Variants in LEPROTL1 observed in about 807,000 individuals in gnomAD.
LEPROTL1 encodes leptin receptor overlapping transcript like 1.
A neutral mutation model predicts 15.4 loss-of-function variants in LEPROTL1; 6 were observed. That is an observed-to-expected ratio of 0.39 (90% confidence interval 0.21 to 0.77). The LOEUF is 0.77. Ranked by LOEUF, LEPROTL1 falls within the 30% of genes least tolerant of loss-of-function variation. The probability of loss-of-function intolerance (pLI) is 0.41; values close to 1 mark genes in which losing one functional copy is unlikely to be tolerated. For missense variants in LEPROTL1, 128 were observed against 158.1 expected (o/e 0.81, Z 1.02); for synonymous variants, 56 against 52.6 (o/e 1.06, Z -0.28).
chr8:30,124,452 T>A (rs924198967), intron 3 of LEPROTL1, among the ~76,000 whole-genome samples: 4 of 152,226 alleles, frequency 2.6e-5, no homozygotes, highest in Admixed American at 2.6e-4. Context: ...CTAACTCAGA[T>A]TATTTTAAAG....
intron 1 of LEPROTL1, among the ~76,000 whole-genome samples, chr8:30,096,878 A>C (rs1180713987): frequency 6.6e-6 from 1 of 152,156 alleles, no homozygotes; most frequent in Non-Finnish European, 1.5e-5. Context: ...TAATATCTTT[A>C]TATTAGGAAG....
chr8:30,107,972 T>C lies in LEPROTL1; in HGVS notation c.*2110T>C, dbSNP rs1203672755. The C allele has an allele frequency of 9.2e-6, 9 of 982,998 alleles. No homozygotes were observed. Among genetic ancestry groups the C allele is most frequent in the East Asian group, 2.3e-4 (2 of 8,798 alleles). The allele number at this position is 982,998 out of a possible 1,614,324, so 60.9% of individuals were successfully genotyped here. ...ATTTCTAGGCTAGTTACTTGAGATA[T>C]GAATTTTCCATAGAATATGCACTGA... On this transcript the variant is annotated 3_prime_UTR_variant, in exon 4 of 4. Transcript: ENST00000321250.
intron 1 of LEPROTL1, chr8:30,096,317 T>TTTG (rs1207782673): frequency 1.0e-6 from 1 of 984,152 alleles, no homozygotes; most frequent in Non-Finnish European, 1.2e-6. Flanking sequence ...GTTAGGTAGT[T>TTTG]TTGTTGTCAG....
Position 30,107,373 on chromosome 8 carries a change from A to G in LEPROTL1, c.*1511A>G. On this transcript the variant is annotated 3_prime_UTR_variant, in exon 4 of 4. Coordinates refer to ENST00000321250, the MANE Select transcript of LEPROTL1 (RefSeq NM_015344.3). ...GGTCTGACAGTATTTTGTTAAGGAT[A>G]TTTGTTTGTATGTTTATTCAGTATA... The G allele has an allele frequency of 1.0e-6, 1 of 985,612 alleles. No homozygotes were observed. The highest frequency in any genetic ancestry group is 1.2e-6 in the Non-Finnish European group (1 of 829,726). 61.1% of individuals were successfully genotyped at this position (985,612 alleles called of 1,614,324 possible).
intron 1 of LEPROTL1, among the ~76,000 whole-genome samples, chr8:30,098,893 AT>A (rs1456084608): frequency 6.6e-6 from 1 of 152,236 alleles, no homozygotes; most frequent in Non-Finnish European, 1.5e-5. Flanking sequence ...GCAGCTGATA[AT>A]TGAGCAAAGG....
intron 1 of LEPROTL1, among the ~76,000 whole-genome samples, chr8:30,100,749 A>G (rs951080700): frequency 6.6e-6 from 1 of 152,204 alleles, no homozygotes; most frequent in Non-Finnish European, 1.5e-5. Flanking sequence ...GCACTCGGCT[A>G]TCATTTATTT....
In LEPROTL1 at chr8:30,117,717, G is replaced by T. The variant is rs1299290704; in HGVS notation, c.279+13231G>T. ...CCTAATAAGCACCTGGCTGGCGTTT[G>T]CCTCTCTTTTCGGCATTGTTGATGC... On this transcript the variant is annotated intron_variant, in intron 3 of 4. Coordinates refer to the LEPROTL1 transcript ENST00000442880. The T allele has an allele frequency of 6.7e-6, 8 of 1,199,934 alleles. No homozygotes were observed. In the Admixed American group the frequency reaches 6.7e-5, roughly 10 times the overall value. The allele number at this position is 1,199,934 out of a possible 1,614,324, so 74.3% of individuals were successfully genotyped here.
rs756893032 is a variant in LEPROTL1, at chr8:30,104,528, ATG to A, written c.279+46_279+47del. 4.4e-6 allele frequency: 6 copies of A among 1,354,382 alleles called. No homozygotes were observed. The East Asian group carries it at 1.5e-4, about 34-fold the overall frequency. 83.9% of individuals were successfully genotyped at this position (1,354,382 alleles called of 1,614,324 possible). A position where few individuals can be genotyped will look rare whatever the true frequency, so the allele number is the denominator to read the frequency against. The stretch of plus-strand genomic sequence containing the variant: ...TTCCATTAATGATTTTATATTGAAC[ATG>A]TGTTACATTTTTCTCAAGCAAAGTT... On this transcript the variant is annotated intron_variant, in intron 3 of 3. Coordinates refer to ENST00000321250, the MANE Select transcript of LEPROTL1 (RefSeq NM_015344.3).
intron 3 of LEPROTL1, among the ~76,000 whole-genome samples, chr8:30,121,157 G>A (rs1428161338): frequency 6.6e-6 from 1 of 152,052 alleles, no homozygotes; most frequent in Non-Finnish European, 1.5e-5. Context: ...ACATTTACTC[G>A]ATTCTCTTAC....
At chr8:30,104,677 C>A in intron 3 of LEPROTL1, 191 bp downstream of exon 3, 2 of 406,416 alleles carry the variant, frequency 4.9e-6, no homozygotes, top group East Asian at 3.7e-5. Context: ...TGGCTTGGAT[C>A]TGCAGCAGCT....
rs1370194437 is a variant in LEPROTL1, at chr8:30,106,388, ACT to A, written c.*528_*529del. On this transcript the variant is annotated 3_prime_UTR_variant, in exon 4 of 4. Transcript: ENST00000321250. ...GGTTGGCATACGTTATAGACTGTAT[ACT>A]CAGTGCAAATATAGCTGCATTTATA... The A allele has an allele frequency of 1.0e-6, 1 of 985,764 alleles. No individual in the cohort carries two copies. The highest frequency in any genetic ancestry group is 1.1e-4 in the East Asian group (1 of 8,830). 61.1% of individuals were successfully genotyped at this position (985,764 alleles called of 1,614,324 possible). A position where few individuals can be genotyped will look rare whatever the true frequency, so the allele number is the denominator to read the frequency against.
rs143499704 is a variant in LEPROTL1 at position 30,105,834 on chromosome 8, A to G, written c.368A>G (p.Asn123Ser). ...ILGFFLVFGS[N>S]DDFSWQQW ...GGCTTTTTCTTGGTCTTTGGAAGCA[A>G]TGACGACTTCAGCTGGCAGCAGTGG... Residue 123 changes from asparagine to serine, a missense_variant, in exon 4 of 4, where the codon AAT becomes AGT. Physicochemically the swap from Asn to Ser is conservative, Grantham distance 46 (BLOSUM62 1). Transcript: ENST00000321250. 7.1e-6 allele frequency: 11 copies of G among 1,557,578 alleles called. No homozygotes were observed. The highest frequency in any genetic ancestry group is 2.1e-5 in the Admixed American group (1 of 48,446).
rs79872138 is a variant in LEPROTL1, at chr8:30,096,621, C to T, written c.16+1093C>T. On this transcript the variant is annotated intron_variant, in intron 1 of 3. Transcript: ENST00000321250. The stretch of plus-strand genomic sequence containing the variant: ...CTTTTGAACTATGATAGACTCTAAA[C>T]CCTTATGTGAAAGGCAGTTATTGTG... Among the ~76,000 whole-genome samples, 737 of 152,262 alleles carry T rather than the reference C, an allele frequency of 4.8e-3. 13 individuals are homozygous for T. The highest frequency in any genetic ancestry group is 0.032 in the East Asian group (166 of 5,178).
intron 1 of LEPROTL1, among the ~76,000 whole-genome samples, chr8:30,099,509 G>A (rs1381485031): frequency 2.0e-5 from 3 of 151,644 alleles, no homozygotes; most frequent in South Asian, 2.1e-4. Context: ...GGCTGAGGCA[G>A]GAGGATGGCT....
At chr8:30,112,136 A>G (rs954556680), downstream of LEPROTL1, among the ~76,000 whole-genome samples, 1 of 152,206 alleles carries the variant, frequency 6.6e-6, no homozygotes, top group Non-Finnish European at 1.5e-5. Flanking sequence ...AAACTGGTTC[A>G]TCATATCCAC....
chr8:30,137,436 AC>A, exon 5 of LEPROTL1: 3 of 1,551,670 alleles, frequency 1.9e-6, no homozygotes, highest in Non-Finnish European at 2.6e-6. Flanking sequence ...GTGCTGAGTC[AC>A]TTCTGGGCAG....
At chr8:30,126,226 C>T (rs138313996) in intron 3 of LEPROTL1, among the ~76,000 whole-genome samples, 2 of 152,230 alleles carry the variant, frequency 1.3e-5, no homozygotes, top group Admixed American at 6.5e-5. Flanking sequence ...TAGATTATAC[C>T]GTATAGCCTA....
rs993042793 is a variant in LEPROTL1 at position 30,107,828 on chromosome 8, G to T, written c.*1966G>T. The T allele has an allele frequency of 3.0e-6, 3 of 985,230 alleles. No homozygotes were observed. In the African/African-American group the frequency reaches 5.2e-5, roughly 17 times the overall value. 61.0% of individuals were successfully genotyped at this position (985,230 alleles called of 1,614,324 possible). The stretch of plus-strand genomic sequence containing the variant: ...GATGTCAGTGCAGTGCACTGCTACT[G>T]TTTTATCCACTTGGCCACAGACTTT... On this transcript the variant is annotated 3_prime_UTR_variant, in exon 4 of 4. Coordinates refer to ENST00000321250, the MANE Select transcript of LEPROTL1 (RefSeq NM_015344.3).
chr8:30,096,566 A>G, intron 1 of LEPROTL1: 1 of 189,454 alleles, frequency 5.3e-6, no homozygotes, highest in Non-Finnish European at 9.8e-6. Flanking sequence ...AAACCTTGTC[A>G]TTTAAGCAAC....
Sources: gnomAD v4.1 joint callset for allele counts (sites outside exome capture counted in the v4.1 genomes callset) on GRCh38, gnomAD v4.1.1 for gene constraint, MANE v1.5 for transcripts, NCBI Gene and HGNC (gene_info 2026-07-23, HGNC 2026-07-21) for gene names.